Variants in DOCK10 observed in about 807,000 individuals in gnomAD.
DOCK10 encodes dedicator of cytokinesis protein 10.
A neutral mutation model predicts 280.1 loss-of-function variants in DOCK10; 145 were observed. The observed-to-expected ratio is 0.52, with a 90% CI of 0.45 to 0.59. DOCK10 has a LOEUF of 0.59. Ranked by LOEUF, DOCK10 falls within the 20% of genes least tolerant of loss-of-function variation. The probability of loss-of-function intolerance (pLI) is 0.00; values close to 1 mark genes in which losing one functional copy is unlikely to be tolerated. For synonymous variants in DOCK10, 915 were observed against 942.2 expected (o/e 0.97, Z 0.53); for missense variants, 2,368 against 2,651.7 (o/e 0.89, Z 2.35).
intron 1 of DOCK10, among the ~76,000 whole-genome samples, chr2:224,997,463 C>T (rs565629190): frequency 6.6e-6 from 1 of 152,046 alleles, no homozygotes; most frequent in Admixed American, 6.5e-5. Flanking sequence ...AACTCTTGAC[C>T]ACAGGTGATC....
At chr2:225,039,800 C>A (rs190529305) in intron 1 of DOCK10, among the ~76,000 whole-genome samples, 2 of 152,288 alleles carry the variant, frequency 1.3e-5, no homozygotes, top group Admixed American at 1.3e-4. Flanking sequence ...AGAATTCAAA[C>A]CCTATGGCAA....
At chr2:224,922,624 T>C (rs976506690) in intron 2 of DOCK10, among the ~76,000 whole-genome samples, 1 of 152,200 alleles carries the variant, frequency 6.6e-6, no homozygotes, top group Admixed American at 6.5e-5. Context: ...TCTGGTTTCT[T>C]GTAGCCTGCA....
At chr2:224,800,055 C>T in intron 41 of DOCK10, 96 bp downstream of exon 41, 2 of 663,902 alleles carry the variant, frequency 3.0e-6, no homozygotes, top group South Asian at 4.1e-5. Context: ...TAATTGATTT[C>T]ATAAATAATT....
intron 2 of DOCK10, among the ~76,000 whole-genome samples, chr2:224,926,640 A>T (rs78027404): frequency 1.3e-5 from 2 of 152,206 alleles, no homozygotes; most frequent in African/African-American, 4.8e-5. Flanking sequence ...ACGTGTTCTT[A>T]GTGCTGTTTT....
intron 7 of DOCK10, among the ~76,000 whole-genome samples, chr2:224,885,263 G>C (rs1169182439): frequency 6.6e-6 from 1 of 152,230 alleles, no homozygotes; most frequent in African/African-American, 2.4e-5. Flanking sequence ...GCCTCCCAAA[G>C]TGTTGGGATT....
intron 14 of DOCK10, chr2:224,861,060 C>T (rs1239739638): frequency 6.6e-6 from 1 of 152,166 alleles, no homozygotes; most frequent in Non-Finnish European, 1.5e-5. Flanking sequence ...CTGGAGGGAA[C>T]TGAGAATGCT....
chr2:224,816,750 G>T, intron 29 of DOCK10, 37 bp from the exon 30 acceptor site: 3 of 1,170,272 alleles, frequency 2.6e-6, no homozygotes, highest in South Asian at 1.4e-5. Flanking sequence ...ATGACTTACA[G>T]ACCAAGAAAC....
chr2:225,025,536 T>C (rs1360066289), intron 1 of DOCK10, among the ~76,000 whole-genome samples: 2 of 152,196 alleles, frequency 1.3e-5, no homozygotes, highest in Admixed American at 6.5e-5. Context: ...AATGATAGGT[T>C]GTGCATTTTA....
At chr2:224,842,590 C>T (rs193298707) in intron 22 of DOCK10, among the ~76,000 whole-genome samples, 8 of 152,130 alleles carry the variant, frequency 5.3e-5, no homozygotes, top group East Asian at 3.9e-4. Flanking sequence ...TGTGTGTGTG[C>T]GCGTGTGTGT....
rs749062697 is a variant in DOCK10, at chr2:224,789,163, G to C, written c.5319C>G (p.Phe1773Leu). 163 of 1,609,610 alleles carry C rather than the reference G, an allele frequency of 1.0e-4. 1 individual carries two copies. Among genetic ancestry groups the C allele is most frequent in the Non-Finnish European group, 1.2e-4 (147 of 1,176,374 alleles). The change falls in exon 48 of 56, where the codon TTC becomes TTG. Residue 1773 changes from phenylalanine to leucine, a missense_variant. Phe to Leu is a conservative substitution (Grantham distance 22). Around this residue, in one of 2 missense-constraint regions of DOCK10, gnomAD observed 1,159 missense variants for 1,400.8 expected, o/e 0.83. Coordinates refer to ENST00000258390, the MANE Select transcript of DOCK10 (RefSeq NM_014689.3). Reference sequence around the variant, plus strand: ...TCAAAAAAGCTGGCCATCCCATAGAGAACATGCCTTGGGAGGACCAAGCAG... The same window carrying C: ...TCAAAAAAGCTGGCCATCCCATAGACAACATGCCTTGGGAGGACCAAGCAG... ...LLTTPSGGSMFSMGWPAFLSI... is the reference protein window; with the variant it reads ...LLTTPSGGSMLSMGWPAFLSI...
intron 14 of DOCK10, among the ~76,000 whole-genome samples, chr2:224,857,625 T>G (rs1268841289): frequency 6.6e-6 from 1 of 152,188 alleles, no homozygotes; most frequent in African/African-American, 2.4e-5. Flanking sequence ...TTGAAACACA[T>G]AAATAGCTTT....
At chr2:224,976,054 T>G (rs1350643214) in intron 1 of DOCK10, among the ~76,000 whole-genome samples, 1 of 152,176 alleles carries the variant, frequency 6.6e-6, no homozygotes, top group Non-Finnish European at 1.5e-5. Context: ...TTATAAGCCA[T>G]GTGAGCCTGC....
rs1053203000 is a variant in DOCK10 at position 225,042,375 on chromosome 2, C to G, written c.-1G>C. On this transcript the variant is annotated 5_prime_UTR_variant, in exon 1 of 56. Coordinates refer to ENST00000258390, the MANE Select transcript of DOCK10 (RefSeq NM_014689.3). The surrounding 1 kb of genome is among the most constrained non-coding windows in gnomAD (Gnocchi z 5.1). ...ACCTGCGGGTCCGCTCACCGGCCAT[C>G]GCCGGTCACGCCAATCGCGCCGCGG... 8.8e-6 allele frequency: 11 copies of G among 1,253,288 alleles called. No homozygotes were observed. Among genetic ancestry groups the G allele is most frequent in the African/African-American group, 3.1e-5 (2 of 64,112 alleles). The allele number at this position is 1,253,288 out of a possible 1,614,324, so 77.6% of individuals were successfully genotyped here.
intron 2 of DOCK10, among the ~76,000 whole-genome samples, chr2:224,922,119 C>CAAAAAAA (rs35964702): frequency 1.9e-5 from 1 of 51,606 alleles, no homozygotes; most frequent in Non-Finnish European, 3.6e-5. Flanking sequence ...AACTCCATCT[C>CAAAAAAA]AAAAAAAAAA....
chr2:224,969,405 T>C (rs980013051), intron 1 of DOCK10, among the ~76,000 whole-genome samples: 1 of 152,222 alleles, frequency 6.6e-6, no homozygotes, highest in Non-Finnish European at 1.5e-5. Flanking sequence ...GGTTTTGTGA[T>C]GAACACATAT....
At chr2:224,870,292 TA>T (rs1255976482) in intron 11 of DOCK10, among the ~76,000 whole-genome samples, 1 of 152,230 alleles carries the variant, frequency 6.6e-6, no homozygotes, top group Non-Finnish European at 1.5e-5. Context: ...GTGAGTCAAT[TA>T]AACCTCCTTC....
At chr2:224,993,925 A>G (rs191922697) in intron 1 of DOCK10, among the ~76,000 whole-genome samples, 64 of 152,266 alleles carry the variant, frequency 4.2e-4, no homozygotes, top group Admixed American at 1.4e-3. Context: ...ATAGGATCCT[A>G]TTACATTTCT....
At chr2:224,899,476 T>C (rs1307933731) in intron 3 of DOCK10, among the ~76,000 whole-genome samples, 1 of 152,120 alleles carries the variant, frequency 6.6e-6, no homozygotes, top group African/African-American at 2.4e-5. Flanking sequence ...AGCTGATCAA[T>C]AAACTAAAAA....
intron 3 of DOCK10, among the ~76,000 whole-genome samples, chr2:224,906,145 A>G (rs991239957): frequency 2.6e-5 from 4 of 152,198 alleles, no homozygotes; most frequent in African/African-American, 9.6e-5. Flanking sequence ...GGGAGTCATC[A>G]TAAACACATT....
Sources: allele counts gnomAD v4.1 joint callset (sites outside exome capture counted in the v4.1 genomes callset), GRCh38; gene constraint gnomAD v4.1.1; regional missense constraint gnomAD v4.1.1; non-coding constraint Gnocchi (gnomAD v3.1); transcripts MANE v1.5; gene names NCBI Gene and HGNC (gene_info 2026-07-23, HGNC 2026-07-21).